TSNARE1: variants seen among roughly 807,000 people sequenced by gnomAD.
The protein encoded by TSNARE1 is t-SNARE domain-containing protein 1.
Under a neutral mutation model 62.0 loss-of-function variants are expected in TSNARE1, and 49 were observed. The observed-to-expected ratio is 0.79, with a 90% CI of 0.63 to 1.00. TSNARE1 has a LOEUF of 1.00. Ranked by LOEUF, TSNARE1 falls within the 50% of genes least tolerant of loss-of-function variation. The probability of loss-of-function intolerance (pLI) is 0.00; values close to 1 mark genes in which losing one functional copy is unlikely to be tolerated. For missense variants in TSNARE1, 755 were observed against 700.1 expected (o/e 1.08, Z -0.88); for synonymous variants, 328 against 294.4 (o/e 1.11, Z -1.17).
chr8:142,403,767 C>G (rs1838479764), upstream of TSNARE1: 2 of 152,256 alleles, frequency 1.3e-5, no homozygotes, highest in African/African-American at 4.8e-5. Flanking sequence ...CAGCCCCTCC[C>G]TGGAGGAGCT....
At chr8:142,333,349 G>A (rs771178795) in intron 4 of TSNARE1, among the ~76,000 whole-genome samples, 16 of 152,226 alleles carry the variant, frequency 1.1e-4, no homozygotes, top group East Asian at 1.9e-4. Context: ...CTCCAGGCTC[G>A]CATTCAGGTG....
intron 13 of TSNARE1, among the ~76,000 whole-genome samples, chr8:142,219,927 C>T (rs1319439345): frequency 6.6e-6 from 1 of 152,192 alleles, no homozygotes; most frequent in East Asian, 1.9e-4. Flanking sequence ...CACATGCCAG[C>T]TGGGAACAGC....
At chr8:142,297,143 C>T (rs962294920) in intron 10 of TSNARE1, among the ~76,000 whole-genome samples, 3 of 152,226 alleles carry the variant, frequency 2.0e-5, no homozygotes, top group Non-Finnish European at 4.4e-5. Context: ...GGCCTAAAGC[C>T]AGGACAGCAT....
At chr8:142,395,184 G>A (rs1268881877) in intron 1 of TSNARE1, among the ~76,000 whole-genome samples, 2 of 152,088 alleles carry the variant, frequency 1.3e-5, no homozygotes, top group Non-Finnish European at 2.9e-5. Flanking sequence ...TTCCTGTGCT[G>A]GGACCACAGA....
intron 13 of TSNARE1, among the ~76,000 whole-genome samples, chr8:142,218,595 G>A (rs959072587): frequency 3.0e-4 from 45 of 152,334 alleles, no homozygotes; most frequent in Non-Finnish European, 2.1e-4. Context: ...GGAGCTGTGA[G>A]CCCAGCCCAA....
At chr8:142,283,454 G>C (rs985213577) in intron 11 of TSNARE1, among the ~76,000 whole-genome samples, 1 of 149,608 alleles carries the variant, frequency 6.7e-6, no homozygotes, top group Non-Finnish European at 1.5e-5. Flanking sequence ...CAGAGGCAGG[G>C]ACAGTGTCAA....
At position 142,281,598 on chromosome 8, in the gene TSNARE1, C is replaced by T. The variant is rs1238751418; in HGVS notation, c.1363+2815G>A. ...CACAGCGCATGGAGTCAGAACTGGA[C>T]ACAGTCACCCCAGGGTTAGGGTCAG... On this transcript the variant is annotated intron_variant, in intron 11 of 13. Transcript: ENST00000524325. Among the ~76,000 whole-genome samples, 3 of 152,122 alleles carry T rather than the reference C, an allele frequency of 2.0e-5. No individual in the cohort carries two copies. In the East Asian group the frequency reaches 5.9e-4, roughly 30 times the overall value.
At chr8:142,232,793 T>A (rs4976977) in intron 12 of TSNARE1, among the ~76,000 whole-genome samples, 81,279 of 152,144 alleles carry the variant, frequency 0.53, 22,793 homozygotes, top group African/African-American at 0.69. Flanking sequence ...GCTGAGACAG[T>A]TGGCAGAGGC....
intron 13 of TSNARE1, among the ~76,000 whole-genome samples, chr8:142,220,195 G>A (rs1295714788): frequency 6.6e-6 from 1 of 152,224 alleles, no homozygotes; most frequent in Non-Finnish European, 1.5e-5. Flanking sequence ...GTGGGCTGCA[G>A]GCCTTCATCC....
chr8:142,396,230 CACAA>C (rs936729675), intron 1 of TSNARE1, among the ~76,000 whole-genome samples: 3 of 152,062 alleles, frequency 2.0e-5, no homozygotes, highest in Non-Finnish European at 2.9e-5. Context: ...AGGCGATAAA[CACAA>C]ACACACACAC....
At chr8:142,275,105 C>T in intron 11 of TSNARE1, 3 of 985,412 alleles carry the variant, frequency 3.0e-6, no homozygotes, top group African/African-American at 1.7e-5. Context: ...CCTCAGTGCC[C>T]ACACCAGGTG....
intron 5 of TSNARE1, among the ~76,000 whole-genome samples, chr8:142,331,361 G>A (rs552082500): frequency 5.3e-5 from 8 of 152,354 alleles, no homozygotes; most frequent in South Asian, 4.1e-4. Context: ...TGGTCTGCAC[G>A]TCTGAGAGGC....
intron 8 of TSNARE1, 61 bp downstream of exon 8, chr8:142,314,942 C>T (rs1056473839): frequency 5.2e-5 from 80 of 1,526,012 alleles, no homozygotes; most frequent in Non-Finnish European, 6.4e-5. Context: ...GACAGTGCTC[C>T]GGGAACCGAG....
At chr8:142,369,778 G>T (rs796124579) in intron 1 of TSNARE1, among the ~76,000 whole-genome samples, 1 of 152,184 alleles carries the variant, frequency 6.6e-6, no homozygotes, top group African/African-American at 2.4e-5. Context: ...CCAAAACACA[G>T]AGAAAAAAGT....
At chr8:142,351,924 AG>A (rs1834138831) in intron 2 of TSNARE1, among the ~76,000 whole-genome samples, 1 of 152,226 alleles carries the variant, frequency 6.6e-6, no homozygotes, top group African/African-American at 2.4e-5. Flanking sequence ...CAAAAATCAA[AG>A]GTCAATTACA....
chr8:142,396,289 G>A (rs375236550), intron 1 of TSNARE1, among the ~76,000 whole-genome samples: 26 of 152,110 alleles, frequency 1.7e-4, no homozygotes, highest in Non-Finnish European at 2.8e-4. Context: ...CCCTGGAAAC[G>A]CTTGACTCAG....
At chr8:142,376,930 T>C (rs1031419560) in intron 1 of TSNARE1, among the ~76,000 whole-genome samples, 1 of 152,190 alleles carries the variant, frequency 6.6e-6, no homozygotes, top group Non-Finnish European at 1.5e-5. Context: ...CACAGGACCC[T>C]GGGCTCAGGA....
intron 4 of TSNARE1, among the ~76,000 whole-genome samples, chr8:142,332,125 C>G (rs544093434): frequency 6.6e-6 from 1 of 152,180 alleles, no homozygotes; most frequent in African/African-American, 2.4e-5. Context: ...CGTGTGTGCC[C>G]GGAAGCTACG....
intron 1 of TSNARE1, among the ~76,000 whole-genome samples, chr8:142,370,698 G>C (rs879565573): frequency 9.2e-5 from 14 of 151,946 alleles, no homozygotes; most frequent in Admixed American, 9.2e-4. Context: ...AAAACCAAAG[G>C]TTAAAAAATC....
Sources: gnomAD v4.1 joint callset for allele counts (sites outside exome capture counted in the v4.1 genomes callset) on GRCh38, gnomAD v4.1.1 for gene constraint, MANE v1.5 for transcripts, NCBI Gene and HGNC (gene_info 2026-07-23, HGNC 2026-07-21) for gene names.